The following PID1 variants were observed in gnomAD, a reference collection of about 807,000 sequenced individuals.
PID1 encodes the protein PTB-containing, cubilin and LRP1-interacting protein.
Under a neutral mutation model 19.1 loss-of-function variants are expected in PID1, and 10 were observed. That is an observed-to-expected ratio of 0.52 (90% confidence interval 0.32 to 0.89). The LOEUF (loss-of-function observed/expected upper bound fraction) is 0.89, where lower values mean the gene tolerates loss of function less well. PID1 is among the 40% of genes least tolerant of loss of function. The pLI, the probability that PID1 is intolerant of heterozygous loss-of-function variation, is 0.03. For missense variants in PID1, 248 were observed against 285.3 expected (o/e 0.87, Z 0.94); for synonymous variants, 130 against 116.0 (o/e 1.12, Z -0.78).
In PID1 at chr2:229,201,316, C is replaced by T. The variant is rs138188347; in HGVS notation, c.31-45352G>A. 2.1e-3 allele frequency among the ~76,000 whole-genome samples: 321 copies of T among 152,140 alleles called. 3 individuals are homozygous for T. The highest frequency in any genetic ancestry group is 7.1e-3 in the African/African-American group (295 of 41,526). The stretch of plus-strand genomic sequence containing the variant: ...TCCCTAACTCCTAACACCATCATTC[C>T]GCTTTCTATCTTTAGGCTTTTGACC... On this transcript the variant is annotated intron_variant, in intron 1 of 2. Transcript: ENST00000392055.
chr2:229,234,766 T>C (rs1303176835), intron 1 of PID1, among the ~76,000 whole-genome samples: 1 of 152,076 alleles, frequency 6.6e-6, no homozygotes, highest in Admixed American at 6.6e-5. Flanking sequence ...GGAGGTTAGG[T>C]AAGTAAGTAG....
At position 229,207,529 on chromosome 2, in the gene PID1, G is replaced by T. The variant is rs149129543; in HGVS notation, c.31-51565C>A. Among the ~76,000 whole-genome samples, 369 of 148,932 alleles carry T rather than the reference G, an allele frequency of 2.5e-3. 3 individuals are homozygous for T. Among genetic ancestry groups the T allele is most frequent in the African/African-American group, 8.5e-3 (342 of 40,244 alleles). On this transcript the variant is annotated intron_variant, in intron 1 of 2. Transcript: ENST00000392055. ...ATCTAGTAGGACGACCTCAATCTGA[G>T]GTAAAAGAGCCAGCTGGGTTTGAAT...
At chr2:229,043,766 C>T (rs1264485596) in intron 2 of PID1, among the ~76,000 whole-genome samples, 1 of 152,186 alleles carries the variant, frequency 6.6e-6, no homozygotes, top group East Asian at 1.9e-4. Context: ...GAACTGCTTC[C>T]TTCTGATTCA....
At chr2:229,189,770 G>A (rs999208470) in intron 1 of PID1, among the ~76,000 whole-genome samples, 10 of 152,166 alleles carry the variant, frequency 6.6e-5, no homozygotes, top group African/African-American at 2.4e-4. Flanking sequence ...AACAGTCGAG[G>A]GGCAGGCAAG....
intron 1 of PID1, among the ~76,000 whole-genome samples, chr2:229,242,746 T>C (rs949677118): frequency 6.6e-6 from 1 of 152,154 alleles, no homozygotes; most frequent in Non-Finnish European, 1.5e-5. Context: ...GAGTCATTTG[T>C]TACCTATAAG....
intron 2 of PID1, among the ~76,000 whole-genome samples, chr2:229,060,930 A>G (rs2106192849): frequency 6.6e-6 from 1 of 152,076 alleles, no homozygotes; most frequent in African/African-American, 2.4e-5. Context: ...TATCTATTTA[A>G]GTCACTTGTC....
intron 2 of PID1, among the ~76,000 whole-genome samples, chr2:229,113,200 G>A (rs910952377): frequency 1.3e-4 from 19 of 151,932 alleles, no homozygotes; most frequent in African/African-American, 2.4e-4. Context: ...GCAAGTTACC[G>A]CGAACTCCTC....
At chr2:229,215,702 T>C (rs566511217) in intron 1 of PID1, among the ~76,000 whole-genome samples, 3 of 152,332 alleles carry the variant, frequency 2.0e-5, no homozygotes, top group African/African-American at 7.2e-5. Flanking sequence ...TAATCGGGAA[T>C]ATGTTTTATC....
chr2:229,038,030 C>G (rs181034433), intron 2 of PID1, among the ~76,000 whole-genome samples: 1 of 152,082 alleles, frequency 6.6e-6, no homozygotes, highest in Non-Finnish European at 1.5e-5. Context: ...TCACAGAAGG[C>G]ACTAAACATT....
Position 229,184,087 on chromosome 2 carries a change from ATATATCCCATATGTATATCCCATATG to A in PID1, c.31-28149_31-28124del, listed in dbSNP as rs1387021128. ...TATATCCCATATGTATATCCCATAT[ATATATCCCATATGTATATCCCATATG>A]TATATCCCATATGTATATCCCATAT... is the stretch of plus-strand genomic sequence containing the variant. On this transcript the variant is annotated intron_variant, in intron 1 of 2. Transcript: ENST00000392055. Among the ~76,000 whole-genome samples the A allele has an allele frequency of 8.6e-4, 20 of 23,212 alleles. 8 individuals are homozygous for A. The highest frequency in any genetic ancestry group is 6.9e-3 in the African/African-American group (17 of 2,470). 15.2% of individuals were successfully genotyped at this position (23,212 alleles called of 152,430 possible).
intron 2 of PID1, among the ~76,000 whole-genome samples, chr2:229,122,379 A>G (rs999634332): frequency 8.5e-5 from 13 of 152,196 alleles, no homozygotes; most frequent in African/African-American, 3.1e-4. Context: ...GTCCAGGGGC[A>G]TTGCATAGAG....
chr2:229,232,726 C>A (rs1002524680), intron 1 of PID1, among the ~76,000 whole-genome samples: 2 of 147,740 alleles, frequency 1.4e-5, no homozygotes, highest in African/African-American at 5.0e-5. Context: ...CAATATGATG[C>A]ATTGTTGTTA....
At chr2:229,173,726 T>C (rs1453233858) in intron 1 of PID1, among the ~76,000 whole-genome samples, 4 of 152,198 alleles carry the variant, frequency 2.6e-5, no homozygotes, top group African/African-American at 9.6e-5. Flanking sequence ...ATCAGTGCTC[T>C]TCCCTTATCC....
chr2:229,083,840 G>A (rs191184281), intron 2 of PID1, among the ~76,000 whole-genome samples: 53 of 152,260 alleles, frequency 3.5e-4, no homozygotes, highest in African/African-American at 1.2e-3. Context: ...AACAGCCAAC[G>A]CCACAAGAGA....
chr2:229,024,725 A>G lies in PID1; in HGVS notation c.*907T>C, dbSNP rs1022426116. 3 of 152,674 alleles carry G rather than the reference A, an allele frequency of 2.0e-5. No homozygotes were observed. Among genetic ancestry groups the G allele is most frequent in the Non-Finnish European group, 4.4e-5 (3 of 68,048 alleles). 9.5% of individuals were successfully genotyped at this position (152,674 alleles called of 1,614,324 possible). On this transcript the variant is annotated 3_prime_UTR_variant, in exon 3 of 3. Transcript: ENST00000392055. ...AAGTTACCATAAATCTCAGCTGGAT[A>G]AAAGGAGAGTTGACATAGAGTGTGT...
At chr2:229,257,465 T>G (rs773095648) in intron 1 of PID1, among the ~76,000 whole-genome samples, 34 of 152,156 alleles carry the variant, frequency 2.2e-4, no homozygotes, top group Non-Finnish European at 4.4e-4. Context: ...TCCTTCACCC[T>G]CAAAATAGAG....
At chr2:229,028,459 T>C (rs1002855339) in intron 2 of PID1, among the ~76,000 whole-genome samples, 1 of 152,210 alleles carries the variant, frequency 6.6e-6, no homozygotes, top group Non-Finnish European at 1.5e-5. Flanking sequence ...AAATTGTGCA[T>C]AAATAGAAAA....
At chr2:229,163,646 A>T (rs1270632666) in intron 1 of PID1, among the ~76,000 whole-genome samples, 29 of 136,896 alleles carry the variant, frequency 2.1e-4, no homozygotes, top group South Asian at 2.4e-4. Flanking sequence ...AGGGAGAGAG[A>T]GAGAGTGTGT....
At chr2:229,219,703 A>AT (rs1214622136) in intron 1 of PID1, among the ~76,000 whole-genome samples, 31 of 150,934 alleles carry the variant, frequency 2.1e-4, no homozygotes, top group Admixed American at 8.6e-4. Flanking sequence ...CACCTGGCTA[A>AT]TTTTTTTTTA....
Sources: gnomAD v4.1 joint callset for allele counts (sites outside exome capture counted in the v4.1 genomes callset) on GRCh38, gnomAD v4.1.1 for gene constraint, MANE v1.5 for transcripts, NCBI Gene and HGNC (gene_info 2026-07-23, HGNC 2026-07-21) for gene names.